Variants in TENM3 observed in about 807,000 individuals in gnomAD.
TENM3 encodes the protein teneurin-3.
A neutral mutation model predicts 255.1 loss-of-function variants in TENM3; 63 were observed. The ratio of observed to expected loss-of-function variants is 0.25; its 90% confidence interval spans 0.20 to 0.30. The LOEUF (loss-of-function observed/expected upper bound fraction) is 0.30. TENM3 is among the 10% of genes least tolerant of loss of function. TENM3 has a pLI of 1.00. For synonymous variants in TENM3, 1,306 were observed against 1,322.3 expected (o/e 0.99, Z 0.27); for missense variants, 2,929 against 3,461.1 (o/e 0.85, Z 3.86).
At chr4:182,290,373 G>A (rs1021005547) in intron 1 of TENM3, among the ~76,000 whole-genome samples, 26 of 152,174 alleles carry the variant, frequency 1.7e-4, no homozygotes, top group Admixed American at 6.5e-5. Flanking sequence ...TATTTTGCAC[G>A]TTCTTGGGAC....
intron 3 of TENM3, among the ~76,000 whole-genome samples, chr4:182,419,787 G>A (rs1016709878): frequency 2.0e-5 from 3 of 150,184 alleles, no homozygotes; most frequent in East Asian, 2.0e-4. Flanking sequence ...ACCAAACACC[G>A]CATGTTCTCA....
intron 3 of TENM3, among the ~76,000 whole-genome samples, chr4:182,590,210 AT>A (rs1347283985): frequency 6.6e-6 from 1 of 152,076 alleles, no homozygotes; most frequent in East Asian, 1.9e-4. Context: ...GAGATTTCTT[AT>A]TGTTCCCTTT....
At chr4:181,569,294 C>T in the TENM3 span, among the ~76,000 whole-genome samples, 26,112 of 152,110 alleles carry the variant, frequency 0.17, 2,713 homozygotes, top group African/African-American at 0.3. Context: ...TTAAGCTTCT[C>T]GTTGATTTCA....
the TENM3 span, among the ~76,000 whole-genome samples, chr4:182,034,031 G>T: frequency 6.6e-6 from 1 of 152,186 alleles, no homozygotes; most frequent in East Asian, 1.9e-4. Context: ...TGTACTCACA[G>T]TTCCACGTGG....
intron 1 of TENM3, among the ~76,000 whole-genome samples, chr4:182,305,897 A>G (rs1762105103): frequency 6.6e-6 from 1 of 152,200 alleles, no homozygotes; most frequent in Non-Finnish European, 1.5e-5. Context: ...TGGAAGGGAA[A>G]GAATTTCGTA....
chr4:182,067,807 A>G, the TENM3 span, among the ~76,000 whole-genome samples: 9 of 152,130 alleles, frequency 5.9e-5, no homozygotes, highest in Admixed American at 2.0e-4. Flanking sequence ...ACTTTAAAAC[A>G]TGTTTTAATT....
chr4:182,136,404 T>G, the TENM3 span, among the ~76,000 whole-genome samples: 2 of 152,134 alleles, frequency 1.3e-5, no homozygotes, highest in African/African-American at 4.8e-5. Context: ...CTACACATTT[T>G]TGTGTATAGA....
Position 182,603,393 on chromosome 4 carries a change from A to C in TENM3, c.749+2232A>C, listed in dbSNP as rs560926466. The stretch of plus-strand genomic sequence containing the variant: ...TAATCTAAAAATTTGTTGTTACACT[A>C]ACAAATTTTAATCTGCAGTATAGTT... On this transcript the variant is annotated intron_variant, in intron 4 of 27. Coordinates refer to ENST00000511685, the MANE Select transcript of TENM3 (RefSeq NM_001080477.4). Among the ~76,000 whole-genome samples the C allele has an allele frequency of 1.1e-4, 17 of 152,286 alleles. No individual in the cohort carries two copies. In the East Asian group the frequency reaches 3.3e-3, roughly 29 times the overall value.
At chr4:182,448,083 TGGCTCG>T (rs2151295653) in intron 3 of TENM3, among the ~76,000 whole-genome samples, 1 of 152,258 alleles carries the variant, frequency 6.6e-6, no homozygotes, top group East Asian at 1.9e-4. Context: ...TCATGGAGAG[TGGCTCG>T]GGCCACTTGC....
chr4:182,217,356 G>A (rs1467867979), intron 1 of TENM3, among the ~76,000 whole-genome samples: 1 of 151,916 alleles, frequency 6.6e-6, no homozygotes, highest in Non-Finnish European at 1.5e-5. Flanking sequence ...TAACTTACCT[G>A]CAAAGTGATT....
the TENM3 span, among the ~76,000 whole-genome samples, chr4:181,711,909 G>A: frequency 6.6e-6 from 1 of 152,176 alleles, no homozygotes; most frequent in African/African-American, 2.4e-5. Context: ...TGAATCATGT[G>A]TAGTGTTTGA....
At chr4:182,354,425 GA>G (rs1765387195) in intron 3 of TENM3, among the ~76,000 whole-genome samples, 1 of 152,278 alleles carries the variant, frequency 6.6e-6, no homozygotes, top group East Asian at 1.9e-4. Flanking sequence ...CAGGTTTATT[GA>G]TGTAATTATC....
At chr4:182,738,937 GA>G (rs1010202731) in intron 18 of TENM3, among the ~76,000 whole-genome samples, 1 of 112,914 alleles carries the variant, frequency 8.9e-6, no homozygotes, top group African/African-American at 3.0e-5. Flanking sequence ...AAAATGGAGG[GA>G]GGGGGGATTT....
At chr4:182,053,753 G>A in the TENM3 span, among the ~76,000 whole-genome samples, 1 of 152,270 alleles carries the variant, frequency 6.6e-6, no homozygotes, top group South Asian at 2.1e-4. Context: ...ACATCCTAGA[G>A]GCATTTAATC....
At chr4:182,778,811 T>A (rs1764904434) in intron 24 of TENM3, among the ~76,000 whole-genome samples, 1 of 152,188 alleles carries the variant, frequency 6.6e-6, no homozygotes, top group East Asian at 1.9e-4. Context: ...CATGGTGATC[T>A]CATTCATACA....
the TENM3 span, among the ~76,000 whole-genome samples, chr4:181,637,480 C>G: frequency 6.6e-6 from 1 of 152,184 alleles, no homozygotes; most frequent in African/African-American, 2.4e-5. Flanking sequence ...TGGCAAAACT[C>G]GTCAAATGTT....
chr4:182,256,469 G>A (rs1432707385), intron 1 of TENM3, among the ~76,000 whole-genome samples: 1 of 152,120 alleles, frequency 6.6e-6, no homozygotes, highest in African/African-American at 2.4e-5. Flanking sequence ...GTGTACATTT[G>A]CTGCTATATC....
the TENM3 span, among the ~76,000 whole-genome samples, chr4:181,891,856 G>C: frequency 6.6e-6 from 1 of 152,178 alleles, no homozygotes; most frequent in Non-Finnish European, 1.5e-5. Flanking sequence ...CAGTGTGATA[G>C]TATGGCGGAA....
At chr4:182,686,482 C>A (rs10020319) in intron 11 of TENM3, among the ~76,000 whole-genome samples, 4,839 of 152,148 alleles carry the variant, frequency 0.032, 242 homozygotes, top group African/African-American at 0.11. Flanking sequence ...AAACACTTTA[C>A]TGCCTACCTC....
Sources: gnomAD v4.1 joint callset for allele counts (sites outside exome capture counted in the v4.1 genomes callset) on GRCh38, gnomAD v4.1.1 for gene constraint, MANE v1.5 for transcripts, NCBI Gene and HGNC (gene_info 2026-07-23, HGNC 2026-07-21) for gene names.